Variants in CDKL4 observed in about 807,000 individuals in gnomAD.
CDKL4 encodes cyclin-dependent kinase-like 4.
A neutral mutation model predicts 42.0 loss-of-function variants in CDKL4; 44 were observed. That is an observed-to-expected ratio of 1.05 (90% CI 0.82 to 1.35). The LOEUF is 1.35. Ranked by LOEUF, CDKL4 falls within the 40% of genes most tolerant of loss-of-function variation. CDKL4 has a pLI of 0.00. For synonymous variants in CDKL4, 120 were observed against 121.6 expected, an observed-to-expected ratio of 0.99 and a Z score of 0.09; for missense variants, 393 against 369.9, an observed-to-expected ratio of 1.06 and a Z score of -0.51.
chr2:39,178,984 A>C, intron 9 of CDKL4: 1 of 1,438,340 alleles, frequency 7.0e-7, no homozygotes, highest in Non-Finnish European at 9.1e-7. Context: ...TGTTTGGAAT[A>C]AGATTTTTGC....
chr2:39,242,406 A>G (rs1679706222), intron 1 of CDKL4, among the ~76,000 whole-genome samples: 1 of 152,198 alleles, frequency 6.6e-6, no homozygotes, highest in Admixed American at 6.5e-5. Context: ...TTTTGGCTAC[A>G]GGGCTTCCTG....
intron 2 of CDKL4, among the ~76,000 whole-genome samples, chr2:39,228,161 A>G (rs571199967): frequency 8.7e-4 from 133 of 152,288 alleles, no homozygotes; most frequent in African/African-American, 3.1e-3. Flanking sequence ...AAGACTTGGG[A>G]CGGAGAGGCT....
intron 2 of CDKL4, among the ~76,000 whole-genome samples, chr2:39,226,178 G>A (rs1044550472): frequency 2.6e-5 from 4 of 151,544 alleles, no homozygotes; most frequent in Non-Finnish European, 4.4e-5. Flanking sequence ...TGTATTTTAT[G>A]GAAATTCTAT....
intron 1 of CDKL4, among the ~76,000 whole-genome samples, chr2:39,242,612 T>C (rs1180294341): frequency 6.6e-6 from 1 of 152,098 alleles, no homozygotes; most frequent in African/African-American, 2.4e-5. Context: ...AGAAACAGAA[T>C]AGACTTGGAG....
At chr2:39,188,513 G>C (rs1404042112) in intron 6 of CDKL4, among the ~76,000 whole-genome samples, 1 of 112,436 alleles carries the variant, frequency 8.9e-6, no homozygotes, top group Non-Finnish European at 1.6e-5. Context: ...AGTGAGCCAA[G>C]ATCACACCAC....
intron 1 of CDKL4, among the ~76,000 whole-genome samples, chr2:39,233,466 C>A (rs1387633693): frequency 6.6e-6 from 1 of 152,112 alleles, no homozygotes; most frequent in Non-Finnish European, 1.5e-5. Flanking sequence ...TGGCATCTTG[C>A]AAGACAAAAG....
At chr2:39,240,368 C>T (rs1191504546) in intron 1 of CDKL4, among the ~76,000 whole-genome samples, 3 of 147,972 alleles carry the variant, frequency 2.0e-5, no homozygotes, top group Admixed American at 6.8e-5. Context: ...TGCAGTGAGC[C>T]GAGATTGTGC....
intron 7 of CDKL4, among the ~76,000 whole-genome samples, chr2:39,185,618 C>T (rs1474830983): frequency 2.7e-5 from 4 of 150,930 alleles, no homozygotes; most frequent in Non-Finnish European, 5.9e-5. Context: ...GCCCACCACA[C>T]GCCCGGCTAA....
rs1382113255 is a variant in CDKL4 at position 39,233,058 on chromosome 2, A to AAAG, written c.-56-3471_-56-3470insCTT. 4.9e-5 allele frequency among the ~76,000 whole-genome samples: 4 copies of AAAG among 81,654 alleles called. No individual in the cohort carries two copies. In the East Asian group the frequency reaches 1.5e-3, roughly 30 times the overall value. 53.6% of individuals were successfully genotyped at this position (81,654 alleles called of 152,430 possible). ...AGACTCCATCTCAAAAAAAAAAAAA[A>AAAG]AAAAAGAAAGAAAGAAAGAAAAAGA... On this transcript the variant is annotated intron_variant, in intron 1 of 9. Coordinates refer to ENST00000451199, the Ensembl canonical transcript of CDKL4.
At chr2:39,181,446 C>T (rs1430791724) in intron 8 of CDKL4, among the ~76,000 whole-genome samples, 1 of 152,108 alleles carries the variant, frequency 6.6e-6, no homozygotes, top group Non-Finnish European at 1.5e-5. Context: ...AATTCCATTC[C>T]AGACCTCCCC....
rs188436135 is a variant in CDKL4, at chr2:39,209,377, T to C, written c.363+4023A>G. On this transcript the variant is annotated intron_variant, in intron 4 of 9. Transcript: ENST00000451199. Reference sequence around the variant, plus strand: ...GATGAAGCCCCTGTTCTCTAATCAATACAGCAAATATATAAAAATCCCTGG... The same window carrying C: ...GATGAAGCCCCTGTTCTCTAATCAACACAGCAAATATATAAAAATCCCTGG... Among the ~76,000 whole-genome samples the C allele has an allele frequency of 4.0e-5, 6 of 151,766 alleles. No individual in the cohort carries two copies. The East Asian group carries it at 1.2e-3, about 29-fold the overall frequency.
chr2:39,180,374 C>T (rs186427627), intron 8 of CDKL4, among the ~76,000 whole-genome samples: 122 of 152,356 alleles, frequency 8.0e-4, no homozygotes, highest in Middle Eastern at 3.4e-3. Flanking sequence ...CCTGAGGCTG[C>T]CCCAGCCGGG....
Position 39,213,832 on chromosome 2 carries a change from C to CTGG in CDKL4, c.291-363_291-361dup, listed in dbSNP as rs375692607. Among the ~76,000 whole-genome samples the CTGG allele has an allele frequency of 4.3e-4, 66 of 152,290 alleles. 1 individual carries two copies. The highest frequency in any genetic ancestry group is 1.5e-3 in the African/African-American group (63 of 41,568). On this transcript the variant is annotated intron_variant, in intron 3 of 9. Coordinates refer to ENST00000451199, the Ensembl canonical transcript of CDKL4. ...TACCCCAAAATAACTGCTATAACTT[C>CTGG]TGGTGGCTCTCTTCAGGCATCTCTG...
intron 1 of CDKL4, among the ~76,000 whole-genome samples, chr2:39,232,219 A>G (rs187438443): frequency 1.1e-4 from 17 of 152,320 alleles, no homozygotes; most frequent in Non-Finnish European, 1.8e-4. Context: ...AGGAAATAGT[A>G]CTTCACCTAG....
intron 5 of CDKL4, among the ~76,000 whole-genome samples, chr2:39,198,134 G>C (rs11904381): frequency 6.6e-6 from 1 of 151,998 alleles, no homozygotes; most frequent in African/African-American, 2.4e-5. Flanking sequence ...AAAGTAAAGT[G>C]GGGGGAAAGG....
chr2:39,173,821 A>G (rs1675066163), downstream of CDKL4, among the ~76,000 whole-genome samples: 2 of 150,924 alleles, frequency 1.3e-5, no homozygotes, highest in South Asian at 4.2e-4. Flanking sequence ...TCAAAAAAAA[A>G]AAAAAAAAAA....
rs1675347535 is a variant in CDKL4, at chr2:39,180,063, A to G, written c.793-742T>C. Among the ~76,000 whole-genome samples, 3 of 152,160 alleles carry G rather than the reference A, an allele frequency of 2.0e-5. No homozygotes were observed. In the South Asian group the frequency reaches 6.2e-4, roughly 32 times the overall value. On this transcript the variant is annotated intron_variant, in intron 8 of 9. Coordinates refer to ENST00000451199, the Ensembl canonical transcript of CDKL4. ...TCTGAGAAACACTGATACTCCAGCCAGACAGTGGGACTTTGCCCATCAATA... is the reference window on the plus strand; with the variant it reads ...TCTGAGAAACACTGATACTCCAGCCGGACAGTGGGACTTTGCCCATCAATA...
rs189497812 is a variant in CDKL4 at position 39,185,712 on chromosome 2, C to T, written c.736-1065G>A. Among the ~76,000 whole-genome samples, 230 of 151,902 alleles carry T rather than the reference C, an allele frequency of 1.5e-3. 2 individuals carry two copies. The highest frequency in any genetic ancestry group is 4.9e-3 in the African/African-American group (204 of 41,432). ...TCCCGACCTAGTGATCCGCCTGCCT[C>T]GGCCTCCCAAAGTGCTGGGATTACA... is the stretch of plus-strand genomic sequence containing the variant. On this transcript the variant is annotated intron_variant, in intron 7 of 9. Coordinates refer to ENST00000451199, the Ensembl canonical transcript of CDKL4.
chr2:39,205,577 G>T (rs956721091), intron 4 of CDKL4, among the ~76,000 whole-genome samples: 1 of 151,594 alleles, frequency 6.6e-6, no homozygotes, highest in African/African-American at 2.4e-5. Flanking sequence ...TGGCCAACAC[G>T]GTGAAACCCC....
Sources: allele counts gnomAD v4.1 joint callset (sites outside exome capture counted in the v4.1 genomes callset), GRCh38; gene constraint gnomAD v4.1.1; transcripts MANE v1.5; gene names NCBI Gene and HGNC (gene_info 2026-07-23, HGNC 2026-07-21).